The following FARS2 variants were observed in gnomAD, a reference collection of about 807,000 sequenced individuals.
FARS2 encodes the protein phenylalanyl-tRNA synthetase 2, mitochondrial.
In FARS2, 40 loss-of-function variants were observed where a neutral mutation model predicts 46.4. The observed-to-expected ratio is 0.86, with a 90% confidence interval of 0.67 to 1.12. FARS2 has a LOEUF of 1.12. FARS2 is among the 50% of genes most tolerant of loss of function. The pLI is 0.00. For synonymous variants in FARS2, 234 were observed against 214.9 expected (o/e 1.09, Z -0.78); for missense variants, 513 against 567.9 (o/e 0.90, Z 0.98).
At position 5,562,950 on chromosome 6, in the gene FARS2, C is replaced by T. The variant is rs866019798; in HGVS notation, c.1065+17610C>T. Among the ~76,000 whole-genome samples, 18 of 151,704 alleles carry T rather than the reference C, an allele frequency of 1.2e-4. 1 individual carries two copies. The highest frequency in any genetic ancestry group is 4.1e-4 in the African/African-American group (17 of 41,280). ...TCCCGAGTAGCTGGGATTACAGGCACCTGCCACCACGCCCAGCTAATTTTT... is the reference window on the plus strand; with the variant it reads ...TCCCGAGTAGCTGGGATTACAGGCATCTGCCACCACGCCCAGCTAATTTTT... On this transcript the variant is annotated intron_variant, in intron 5 of 6. Coordinates refer to ENST00000274680, the MANE Select transcript of FARS2 (RefSeq NM_006567.5).
chr6:5,624,912 C>T (rs915045810), intron 6 of FARS2, among the ~76,000 whole-genome samples: 2 of 150,548 alleles, frequency 1.3e-5, no homozygotes, highest in African/African-American at 4.9e-5. Context: ...TTCACAAGAT[C>T]ACTTCTTTCT....
At chr6:5,450,616 A>G (rs988342530) in intron 4 of FARS2, among the ~76,000 whole-genome samples, 9 of 152,140 alleles carry the variant, frequency 5.9e-5, no homozygotes, top group African/African-American at 2.2e-4. Flanking sequence ...ACCATTTAAA[A>G]AGGTAAAATT....
At chr6:5,414,509 C>T (rs1238817915) in intron 3 of FARS2, among the ~76,000 whole-genome samples, 1 of 152,136 alleles carries the variant, frequency 6.6e-6, no homozygotes, top group African/African-American at 2.4e-5. Context: ...CAAGGAAATC[C>T]TATTGTATGT....
intron 3 of FARS2, among the ~76,000 whole-genome samples, chr6:5,419,360 G>C (rs1219306231): frequency 6.6e-6 from 1 of 152,136 alleles, no homozygotes; most frequent in Non-Finnish European, 1.5e-5. Context: ...TCTCAACTGA[G>C]GTAAGTTAAT....
chr6:5,460,146 C>G (rs1346105429), intron 4 of FARS2, among the ~76,000 whole-genome samples: 1 of 152,186 alleles, frequency 6.6e-6, no homozygotes, highest in Non-Finnish European at 1.5e-5. Flanking sequence ...ATAACTTTTT[C>G]TTCAGTCTTT....
intron 1 of FARS2, among the ~76,000 whole-genome samples, chr6:5,331,990 C>T (rs767321065): frequency 3.3e-5 from 5 of 152,104 alleles, no homozygotes; most frequent in East Asian, 3.8e-4. Context: ...CTAGTAGTCA[C>T]GGTAAATATG....
chr6:5,550,024 C>T (rs1771276519), intron 5 of FARS2, among the ~76,000 whole-genome samples: 1 of 152,160 alleles, frequency 6.6e-6, no homozygotes, highest in Non-Finnish European at 1.5e-5. Context: ...GGGCAAAATT[C>T]CTCCCCACTT....
At chr6:5,603,029 G>A (rs950469582) in intron 5 of FARS2, among the ~76,000 whole-genome samples, 1 of 152,122 alleles carries the variant, frequency 6.6e-6, no homozygotes, top group Non-Finnish European at 1.5e-5. Context: ...TCAAGCCCAC[G>A]GCACACCAGT....
intron 1 of FARS2, among the ~76,000 whole-genome samples, chr6:5,318,046 T>C (rs7754280): frequency 1 from 152,225 of 152,234 alleles, 76,109 homozygotes; most frequent in Middle Eastern, 1. Context: ...AATCTCCACC[T>C]TTGGGTCTGA....
intron 3 of FARS2, among the ~76,000 whole-genome samples, chr6:5,428,550 C>G (rs2127763369): frequency 1.3e-5 from 2 of 152,182 alleles, no homozygotes; most frequent in East Asian, 1.9e-4. Flanking sequence ...GCTTACGTGC[C>G]AAGAGTTATA....
intron 4 of FARS2, among the ~76,000 whole-genome samples, chr6:5,480,963 A>G (rs1561651045): frequency 6.6e-6 from 1 of 152,234 alleles, no homozygotes; most frequent in Non-Finnish European, 1.5e-5. Context: ...GCATTTGTGC[A>G]TGTGCTAGTC....
At chr6:5,390,216 G>GA (rs2127688376) in intron 2 of FARS2, among the ~76,000 whole-genome samples, 1 of 152,312 alleles carries the variant, frequency 6.6e-6, no homozygotes, top group African/African-American at 2.4e-5. Context: ...AGGTTATTCA[G>GA]AAAGTGAGTA....
At chr6:5,457,141 C>G (rs1582162037) in intron 4 of FARS2, 1 of 152,500 alleles carries the variant, frequency 6.6e-6, no homozygotes, top group East Asian at 1.9e-4. Context: ...AGCCCGGTGT[C>G]TCCAGCACAT....
intron 5 of FARS2, among the ~76,000 whole-genome samples, chr6:5,610,967 T>C (rs112950372): frequency 0.011 from 1,691 of 152,378 alleles, 36 homozygotes; most frequent in African/African-American, 0.039. Flanking sequence ...CTGACTGTAC[T>C]GTAGTCATTG....
chr6:5,638,139 C>T (rs1776632166), intron 6 of FARS2, among the ~76,000 whole-genome samples: 1 of 152,226 alleles, frequency 6.6e-6, no homozygotes, highest in African/African-American at 2.4e-5. Context: ...TGTCCAGTCA[C>T]TCTCTGATCC....
intron 1 of FARS2, among the ~76,000 whole-genome samples, chr6:5,315,007 C>T (rs181383786): frequency 2.9e-4 from 44 of 152,258 alleles, no homozygotes; most frequent in East Asian, 7.7e-4. Flanking sequence ...TTACAAAGCA[C>T]GCACATTCTG....
intron 6 of FARS2, among the ~76,000 whole-genome samples, chr6:5,695,686 A>T (rs1401303258): frequency 6.6e-6 from 1 of 152,208 alleles, no homozygotes; most frequent in Non-Finnish European, 1.5e-5. Flanking sequence ...GATTATAGAG[A>T]TTAAATTAGA....
chr6:5,671,028 C>T (rs2150807724), intron 6 of FARS2, among the ~76,000 whole-genome samples: 1 of 152,298 alleles, frequency 6.6e-6, no homozygotes, highest in East Asian at 1.9e-4. Context: ...TGTCAGTGAA[C>T]TCATTACAGT....
In FARS2 at chr6:5,361,163, A is replaced by G. The variant is rs182001969; in HGVS notation, c.-21-7387A>G. ...TTTATAGGTAGGTGTATATTTATAG[A>G]GTTAAGATCATATCGTACATACAAT... On this transcript the variant is annotated intron_variant, in intron 1 of 6. Transcript: ENST00000274680. Among the ~76,000 whole-genome samples, 229 of 152,306 alleles carry G rather than the reference A, an allele frequency of 1.5e-3. 2 individuals carry two copies. Among genetic ancestry groups the G allele is most frequent in the African/African-American group, 5.3e-3 (222 of 41,572 alleles).
Sources: gnomAD v4.1 joint callset for allele counts (sites outside exome capture counted in the v4.1 genomes callset) on GRCh38, gnomAD v4.1.1 for gene constraint, MANE v1.5 for transcripts, NCBI Gene and HGNC (gene_info 2026-07-23, HGNC 2026-07-21) for gene names.